The following HIVEP2 variants were observed in gnomAD, a reference collection of about 807,000 sequenced individuals.
HIVEP2 encodes the protein HIVEP zinc finger 2.
In HIVEP2, 14 loss-of-function variants were observed where a neutral mutation model predicts 180.7. That is an observed-to-expected ratio of 0.08 (90% CI 0.05 to 0.12). The LOEUF is 0.12. Ranked by LOEUF, HIVEP2 falls within the 10% of genes least tolerant of loss-of-function variation. The probability of loss-of-function intolerance (pLI) is 1.00; values close to 1 mark genes in which losing one functional copy is unlikely to be tolerated. For missense variants in HIVEP2, 2,579 were observed against 3,008.5 expected (o/e 0.86, Z 3.34); for synonymous variants, 1,184 against 1,136.4 (o/e 1.04, Z -0.84).
intron 1 of HIVEP2, among the ~76,000 whole-genome samples, chr6:142,902,164 G>A (rs948845601): frequency 1.3e-5 from 2 of 152,142 alleles, no homozygotes; most frequent in African/African-American, 4.8e-5. Flanking sequence ...ATAGAATACA[G>A]AGAGAGAAAA....
At chr6:142,766,564 G>A (rs970017169) in intron 6 of HIVEP2, among the ~76,000 whole-genome samples, 1 of 152,022 alleles carries the variant, frequency 6.6e-6, no homozygotes, top group Non-Finnish European at 1.5e-5. Flanking sequence ...GCTTACTATA[G>A]CCTGCCATCA....
rs1775431978 is a variant in HIVEP2, at chr6:142,768,547, A to G, written c.5188-11T>C. 6.2e-7 allele frequency: 1 copy of G among 1,611,664 alleles called. No homozygotes were observed. Among genetic ancestry groups the G allele is most frequent in the Admixed American group, 1.7e-5 (1 of 59,516 alleles). ...CGCATCAGGTTTCATCTGTAAGACA[A>G]GAAGAGAGAATCATTTCACATGCTT... On this transcript the variant is annotated splice_polypyrimidine_tract_variant and intron_variant, in intron 5 of 9. Coordinates refer to ENST00000367603, the MANE Select transcript of HIVEP2 (RefSeq NM_006734.4).
chr6:142,821,035 T>A (rs1237845798), intron 2 of HIVEP2, among the ~76,000 whole-genome samples: 1 of 152,148 alleles, frequency 6.6e-6, no homozygotes, highest in East Asian at 1.9e-4. Flanking sequence ...ACAAGAAGGC[T>A]TCAAAAGCAA....
At chr6:142,926,156 T>C (rs1358226138) in intron 1 of HIVEP2, among the ~76,000 whole-genome samples, 3 of 152,262 alleles carry the variant, frequency 2.0e-5, no homozygotes, top group Non-Finnish European at 4.4e-5. Context: ...CAGCTTGGGT[T>C]AACTTGCTTG....
chr6:142,793,659 T>TCTC (rs3057479), intron 2 of HIVEP2, among the ~76,000 whole-genome samples: 50 of 106,164 alleles, frequency 4.7e-4, no homozygotes, highest in African/African-American at 1.5e-3. Flanking sequence ...TTTCTTTCTT[T>TCTC]TTTCTTTCTT....
At chr6:142,893,345 T>C (rs781185600) in intron 1 of HIVEP2, among the ~76,000 whole-genome samples, 2 of 152,200 alleles carry the variant, frequency 1.3e-5, no homozygotes, top group Non-Finnish European at 2.9e-5. Flanking sequence ...CAATTGCTCT[T>C]ATCAGTTGCA....
intron 1 of HIVEP2, among the ~76,000 whole-genome samples, chr6:142,936,815 G>A (rs541191715): frequency 1.3e-5 from 2 of 151,654 alleles, no homozygotes; most frequent in African/African-American, 4.8e-5. Context: ...TAAACTCCAT[G>A]AAGGCAAGGA....
At chr6:142,809,204 A>G (rs930499866) in intron 2 of HIVEP2, among the ~76,000 whole-genome samples, 3 of 152,206 alleles carry the variant, frequency 2.0e-5, no homozygotes, top group Non-Finnish European at 4.4e-5. Flanking sequence ...TCCAGACAAA[A>G]GTCAGGTCTC....
chr6:142,791,411 C>T (rs1776135467), intron 2 of HIVEP2, among the ~76,000 whole-genome samples: 1 of 152,160 alleles, frequency 6.6e-6, no homozygotes, highest in Non-Finnish European at 1.5e-5. Flanking sequence ...ACCTGTGCTA[C>T]ATGGTTATTC....
intron 1 of HIVEP2, among the ~76,000 whole-genome samples, chr6:142,884,807 G>A (rs187602852): frequency 1.3e-5 from 2 of 152,128 alleles, no homozygotes; most frequent in Non-Finnish European, 2.9e-5. Flanking sequence ...TTATTCACAC[G>A]TGTGTAAGAA....
chr6:142,868,027 CAGAA>C (rs1776184555), intron 1 of HIVEP2, among the ~76,000 whole-genome samples: 1 of 152,096 alleles, frequency 6.6e-6, no homozygotes, highest in African/African-American at 2.4e-5. Flanking sequence ...AGATTAGAAA[CAGAA>C]AGGAAAATTA....
At chr6:142,778,850 T>C (rs1173662256) in intron 3 of HIVEP2, among the ~76,000 whole-genome samples, 1 of 152,168 alleles carries the variant, frequency 6.6e-6, no homozygotes, top group African/African-American at 2.4e-5. Context: ...AATATCTTCA[T>C]CTAAATATTT....
Position 142,847,100 on chromosome 6 carries a change from A to C in HIVEP2, c.-640-10053T>G, listed in dbSNP as rs542659877. ...AATCCACCCTGTACCTCAGGGTTAT[A>C]CTCCCAGCAGCACATGCTCCACTAA... On this transcript the variant is annotated intron_variant, in intron 1 of 9. Transcript: ENST00000367603. Among the ~76,000 whole-genome samples the C allele has an allele frequency of 1.9e-3, 286 of 152,212 alleles. 1 individual carries two copies. Among genetic ancestry groups the C allele is most frequent in the Non-Finnish European group, 3.0e-3 (202 of 68,014 alleles).
At chr6:142,822,235 G>A (rs1777061685) in intron 2 of HIVEP2, among the ~76,000 whole-genome samples, 1 of 152,220 alleles carries the variant, frequency 6.6e-6, no homozygotes, top group Non-Finnish European at 1.5e-5. Context: ...GTCTGATGAA[G>A]CCTGTGGGCT....
At chr6:142,813,833 T>A (rs1007964074) in intron 2 of HIVEP2, among the ~76,000 whole-genome samples, 1 of 152,066 alleles carries the variant, frequency 6.6e-6, no homozygotes, top group African/African-American at 2.4e-5. Context: ...CCCAAAGTGC[T>A]GGGATTACAG....
chr6:142,773,437 C>A lies in HIVEP2; in HGVS notation c.1302G>T (p.Pro434=), dbSNP rs944341938. The A allele has an allele frequency of 3.7e-6, 6 of 1,614,058 alleles. No individual in the cohort carries two copies. The highest frequency in any genetic ancestry group is 2.7e-5 in the African/African-American group (2 of 74,902). ...TGGTTGTAACACTGAGTGCATTTCT[C>A]GGACTAAGCCGACAGTATTTTCCAA... ...IIFGKYCRLS[P]RNALSVTTTS... Residue 434 remains proline, a synonymous_variant, in exon 5 of 10, where the codon CCG becomes CCT. Transcript: ENST00000367603.
chr6:142,874,380 T>C (rs1776372386), intron 1 of HIVEP2, among the ~76,000 whole-genome samples: 1 of 152,194 alleles, frequency 6.6e-6, no homozygotes, highest in African/African-American at 2.4e-5. Context: ...CCTGTTTAGT[T>C]GCTTTTTTAA....
At chr6:142,787,901 A>C (rs1776044374) in intron 2 of HIVEP2, among the ~76,000 whole-genome samples, 1 of 152,324 alleles carries the variant, frequency 6.6e-6, no homozygotes, top group African/African-American at 2.4e-5. Flanking sequence ...AAAAGTCAAG[A>C]AGGTGCATGG....
In HIVEP2 at chr6:142,773,660, T is replaced by C; in HGVS notation, c.1079A>G (p.Asp360Gly). 6.2e-7 allele frequency: 1 copy of C among 1,614,202 alleles called. No individual in the cohort carries two copies. Among genetic ancestry groups the C allele is most frequent in the Non-Finnish European group, 8.5e-7 (1 of 1,180,030 alleles). The part of the protein sequence containing the change: ...LPNPSLNTKA[D>G]DSHTVKQKLA... ...TTTCTGTTTGACTGTGTGCGAATCA[T>C]CAGCCTTAGTATTTAAAGATGGATT... Residue 360 changes from aspartate to glycine, a missense_variant, in exon 5 of 10, where the codon GAT becomes GGT. Coordinates refer to ENST00000367603, the MANE Select transcript of HIVEP2 (RefSeq NM_006734.4).
Sources: allele counts gnomAD v4.1 joint callset (sites outside exome capture counted in the v4.1 genomes callset), GRCh38; gene constraint gnomAD v4.1.1; transcripts MANE v1.5; gene names NCBI Gene and HGNC (gene_info 2026-07-23, HGNC 2026-07-21).